The following LAMA2 variants were observed in gnomAD, a reference collection of about 807,000 sequenced individuals.
LAMA2 encodes the protein laminin subunit alpha-2.
A neutral mutation model predicts 364.8 loss-of-function variants in LAMA2; 269 were observed. The observed-to-expected ratio is 0.74, with a 90% confidence interval of 0.67 to 0.82. The LOEUF (loss-of-function observed/expected upper bound fraction) is 0.82, where lower values mean the gene tolerates loss of function less well. Ranked by LOEUF, LAMA2 falls within the 40% of genes least tolerant of loss-of-function variation. The pLI is 0.00. For synonymous variants in LAMA2, 1,379 were observed against 1,370.6 expected (o/e 1.01, Z -0.14); for missense variants, 3,807 against 3,873.2 (o/e 0.98, Z 0.45).
rs530481523 is a variant in LAMA2, at chr6:129,272,807, A to G, written c.2450+2056A>G. On this transcript the variant is annotated intron_variant, in intron 17 of 64. Coordinates refer to ENST00000421865, the MANE Select transcript of LAMA2 (RefSeq NM_000426.4). ...AGATTCTCATAGAAGCTCAAACCCTATTGCGAACTGCACCTGCGAGGGATC... is the reference window on the plus strand; with the variant it reads ...AGATTCTCATAGAAGCTCAAACCCTGTTGCGAACTGCACCTGCGAGGGATC... 3.9e-5 allele frequency among the ~76,000 whole-genome samples: 6 copies of G among 152,288 alleles called. No homozygotes were observed. The East Asian group carries it at 1.2e-3, about 29-fold the overall frequency.
chr6:129,258,311 A>G (rs1182338163), intron 14 of LAMA2, among the ~76,000 whole-genome samples: 1 of 152,146 alleles, frequency 6.6e-6, no homozygotes, highest in Non-Finnish European at 1.5e-5. Flanking sequence ...GAATAGCAAT[A>G]TTATTTATGA....
chr6:129,388,373 C>G (rs1779142276), intron 35 of LAMA2, among the ~76,000 whole-genome samples: 1 of 152,084 alleles, frequency 6.6e-6, no homozygotes, highest in Non-Finnish European at 1.5e-5. Flanking sequence ...AATACATGAT[C>G]ATTTTGCTAA....
At chr6:129,463,599 A>G (rs1485653547) in intron 49 of LAMA2, among the ~76,000 whole-genome samples, 1 of 152,050 alleles carries the variant, frequency 6.6e-6, no homozygotes, top group Non-Finnish European at 1.5e-5. Flanking sequence ...TATTCACAAG[A>G]CTTATCTTAG....
chr6:128,929,598 C>A, intron 1 of LAMA2: 2 of 1,325,230 alleles, frequency 1.5e-6, no homozygotes, highest in East Asian at 4.6e-5. Context: ...GCCCCAGATG[C>A]CGCAAAAGCG....
intron 1 of LAMA2, among the ~76,000 whole-genome samples, chr6:128,944,780 G>A (rs973166236): frequency 2.0e-5 from 3 of 152,138 alleles, no homozygotes; most frequent in Non-Finnish European, 4.4e-5. Flanking sequence ...GGAGGAGCAG[G>A]CATGCCACAC....
intron 1 of LAMA2, among the ~76,000 whole-genome samples, chr6:128,926,430 T>C (rs932239523): frequency 6.6e-6 from 1 of 152,174 alleles, no homozygotes; most frequent in African/African-American, 2.4e-5. Flanking sequence ...GTATAATTCT[T>C]TAATAACAAT....
intron 1 of LAMA2, among the ~76,000 whole-genome samples, chr6:128,921,759 C>T (rs539272245): frequency 2.7e-5 from 4 of 149,518 alleles, no homozygotes; most frequent in African/African-American, 7.5e-5. Flanking sequence ...CACAATGTGC[C>T]GATTAGTTAC....
rs776943729 is a variant in LAMA2, at chr6:129,154,582, C to T, written c.1105C>T (p.Arg369Cys). 24 of 1,613,442 alleles carry T rather than the reference C, an allele frequency of 1.5e-5. No homozygotes were observed. The highest frequency in any genetic ancestry group is 9.4e-5 in the African/African-American group (7 of 74,856). Residue 369 changes from arginine (R) to cysteine (C), a missense_variant, in exon 8 of 65, where the codon CGT (arginine) becomes TGT (cysteine). By Grantham distance (180) the Arg-to-Cys change is radical (BLOSUM62 -3). Coordinates refer to ENST00000421865, the MANE Select transcript of LAMA2 (RefSeq NM_000426.4). ...CAGAAGAAATCTGAGTTTGAATATA[C>T]GTGGAAAGTACATTGGAGGGGGTGT... The part of the protein sequence containing the change: ...VARRNLSLNI[R>C]GKYIGGGVCI...
intron 1 of LAMA2, among the ~76,000 whole-genome samples, chr6:128,909,545 G>A (rs1417625543): frequency 1.4e-5 from 2 of 148,052 alleles, no homozygotes; most frequent in Middle Eastern, 3.2e-3. Flanking sequence ...CACGTGAGAT[G>A]GGTTTCCTGA....
At chr6:129,431,239 A>G (rs1177224940) in intron 41 of LAMA2, among the ~76,000 whole-genome samples, 1 of 152,060 alleles carries the variant, frequency 6.6e-6, no homozygotes, top group Non-Finnish European at 1.5e-5. Context: ...TCTCTACTAA[A>G]AACGCAAAAA....
Position 129,456,247 on chromosome 6 carries a change from A to G in LAMA2, c.6708-88A>G, listed in dbSNP as rs1782957372. On this transcript the variant is annotated intron_variant, in intron 47 of 64. Transcript: ENST00000421865. ...TTAAAAACAAGTCTCCGCATTTTAT[A>G]TCTTTTAAATCTGGAATTACCAGAA... The G allele has an allele frequency of 5.4e-6, 7 of 1,296,198 alleles. No individual in the cohort carries two copies. In the South Asian group the frequency reaches 8.3e-5, roughly 15 times the overall value. The allele number at this position is 1,296,198 out of a possible 1,614,324, so 80.3% of individuals were successfully genotyped here. A position where few individuals can be genotyped will look rare whatever the true frequency, so the allele number is the denominator to read the frequency against.
At chr6:129,431,590 C>T (rs1781599839) in intron 41 of LAMA2, among the ~76,000 whole-genome samples, 1 of 152,054 alleles carries the variant, frequency 6.6e-6, no homozygotes, top group Non-Finnish European at 1.5e-5. Context: ...GACCCCTGCA[C>T]AGTTGAAAAT....
chr6:129,091,439 G>A (rs34484800), intron 3 of LAMA2, among the ~76,000 whole-genome samples: 4 of 152,036 alleles, frequency 2.6e-5, no homozygotes, highest in Non-Finnish European at 4.4e-5. Flanking sequence ...TTTAACTGAG[G>A]GCAGAGTATT....
At chr6:129,506,240 C>A (rs1397465736) in intron 61 of LAMA2, among the ~76,000 whole-genome samples, 1 of 151,916 alleles carries the variant, frequency 6.6e-6, no homozygotes, top group Non-Finnish European at 1.5e-5. Context: ...GTAGTCCCAG[C>A]TACTTTGGAG....
intron 1 of LAMA2, among the ~76,000 whole-genome samples, chr6:128,887,487 C>A (rs1776208624): frequency 6.6e-6 from 1 of 151,854 alleles, no homozygotes; most frequent in Admixed American, 6.6e-5. Context: ...TGTTATATTT[C>A]ACATATCAAT....
chr6:129,400,297 T>C, intron 37 of LAMA2, among the ~76,000 whole-genome samples: 1 of 152,186 alleles, frequency 6.6e-6, no homozygotes, highest in Admixed American at 6.5e-5. Flanking sequence ...CATATGAATT[T>C]TCAGGGGACA....
chr6:128,900,092 G>A (rs1776992900), intron 1 of LAMA2, among the ~76,000 whole-genome samples: 1 of 152,144 alleles, frequency 6.6e-6, no homozygotes, highest in Non-Finnish European at 1.5e-5. Context: ...TCTACAATAT[G>A]TCAGATAATG....
chr6:129,006,036 C>T (rs905854232), intron 1 of LAMA2, among the ~76,000 whole-genome samples: 5 of 151,718 alleles, frequency 3.3e-5, no homozygotes, highest in Admixed American at 2.6e-4. Context: ...CCTTATTTTT[C>T]GCTAAACAAC....
At position 129,430,915 on chromosome 6, in the gene LAMA2, C is replaced by T. The variant is rs779295092; in HGVS notation, c.5968+3061C>T. On this transcript the variant is annotated intron_variant, in intron 41 of 64. Coordinates refer to ENST00000421865, the MANE Select transcript of LAMA2 (RefSeq NM_000426.4). Reference sequence around the variant, plus strand: ...CAGTAAAATGCCAACTTCATTTTCTCATGGAATGTGTACGAGGCAAGGAAG... The same window carrying T: ...CAGTAAAATGCCAACTTCATTTTCTTATGGAATGTGTACGAGGCAAGGAAG... Among the ~76,000 whole-genome samples the T allele has an allele frequency of 1.0e-3, 152 of 151,990 alleles. 3 individuals carry two copies. The highest frequency in any genetic ancestry group is 6.3e-4 in the South Asian group (3 of 4,800).
Sources: gnomAD v4.1 joint callset for allele counts (sites outside exome capture counted in the v4.1 genomes callset) on GRCh38, gnomAD v4.1.1 for gene constraint, MANE v1.5 for transcripts, NCBI Gene and HGNC (gene_info 2026-07-23, HGNC 2026-07-21) for gene names.